TNKS: variants seen among roughly 807,000 people sequenced by gnomAD.
TNKS encodes poly [ADP-ribose] polymerase tankyrase-1.
Under a neutral mutation model 135.8 loss-of-function variants are expected in TNKS, and 72 were observed. The observed-to-expected ratio is 0.53, with a 90% CI of 0.44 to 0.64. TNKS has a LOEUF of 0.64. Ranked by LOEUF, TNKS falls within the 30% of genes least tolerant of loss-of-function variation. The probability of loss-of-function intolerance (pLI) is 0.00; values close to 1 mark genes in which losing one functional copy is unlikely to be tolerated. For missense variants in TNKS, 1,769 were observed against 1,674.0 expected (o/e 1.06, Z -0.99); for synonymous variants, 849 against 649.3 (o/e 1.31, Z -4.68).
At chr8:9,658,518 A>T in intron 3 of TNKS, 1 of 465,756 alleles carries the variant, frequency 2.1e-6, no homozygotes, top group South Asian at 3.0e-5. Flanking sequence ...AAAATCCTTT[A>T]CAGACAAGCA....
intron 2 of TNKS, among the ~76,000 whole-genome samples, chr8:9,587,500 C>T (rs1291063039): frequency 2.0e-5 from 3 of 151,640 alleles, no homozygotes; most frequent in East Asian, 1.9e-4. Flanking sequence ...CCTGGGTTCA[C>T]GCCATTCTCC....
chr8:9,648,187 G>A lies in TNKS; in HGVS notation c.995-31764G>A, dbSNP rs565215997. Among the ~76,000 whole-genome samples the A allele has an allele frequency of 6.6e-5, 10 of 152,164 alleles. No homozygotes were observed. In the South Asian group the frequency reaches 1.9e-3, roughly 28 times the overall value. On this transcript the variant is annotated intron_variant, in intron 3 of 26. Coordinates refer to ENST00000310430, the MANE Select transcript of TNKS (RefSeq NM_003747.3). ...CACTACTATAGACTTCATAAACACT[G>A]TATGCTTAGGCTACATTAGATTTAT...
intron 3 of TNKS, among the ~76,000 whole-genome samples, chr8:9,678,459 A>G (rs1214816045): frequency 6.6e-6 from 1 of 152,288 alleles, no homozygotes; most frequent in Non-Finnish European, 1.5e-5. Context: ...AGAAAGACCA[A>G]CTCTATGACC....
In TNKS at chr8:9,556,054, C is replaced by G; in HGVS notation, c.115C>G (p.Leu39Val). The part of the protein sequence containing the change: ...PPPPPPLSPG[L>V]APGTTPASPT... ...ACCTCCTCCCCCACTCAGCCCTGGC[C>G]TGGCCCCGGGGACCACCCCAGCCTC... The change falls in exon 1 of 27, where the codon CTG becomes GTG. Residue 39 changes from leucine to valine, a missense_variant. Leu to Val is a conservative substitution (Grantham distance 32). This residue lies in a region of TNKS where 450 missense variants were observed against 304.9 expected (regional missense o/e 1.48). Transcript: ENST00000310430. 6.2e-7 allele frequency: 1 copy of G among 1,609,904 alleles called. No individual in the cohort carries two copies. Among genetic ancestry groups the G allele is most frequent in the Non-Finnish European group, 8.5e-7 (1 of 1,178,826 alleles).
chr8:9,725,688 A>G (rs772616416), intron 12 of TNKS, among the ~76,000 whole-genome samples: 71 of 152,226 alleles, frequency 4.7e-4, no homozygotes, highest in Non-Finnish European at 1.6e-4. Flanking sequence ...CCCAGTCTAA[A>G]ATGTAGGCCT....
intron 3 of TNKS, among the ~76,000 whole-genome samples, chr8:9,654,943 T>C (rs1328852207): frequency 6.7e-6 from 1 of 149,872 alleles, no homozygotes; most frequent in Non-Finnish European, 1.5e-5. Context: ...CGAAGCAGGG[T>C]GAGGCATCGC....
Position 9,600,124 on chromosome 8 carries a change from C to G in TNKS, c.899-15458C>G, listed in dbSNP as rs112854378. Among the ~76,000 whole-genome samples, 320 of 152,150 alleles carry G rather than the reference C, an allele frequency of 2.1e-3. 1 individual carries two copies. Among genetic ancestry groups the G allele is most frequent in the African/African-American group, 7.1e-3 (294 of 41,506 alleles). The stretch of plus-strand genomic sequence containing the variant: ...TGATTTACAGGCAAGGAAATGGAAG[C>G]TGAGAGAGGTAAAGGAATTGCTAGG... On this transcript the variant is annotated intron_variant, in intron 2 of 26. Coordinates refer to ENST00000310430, the MANE Select transcript of TNKS (RefSeq NM_003747.3).
intron 13 of TNKS, among the ~76,000 whole-genome samples, chr8:9,730,250 A>T (rs546721706): frequency 7.4e-4 from 112 of 152,272 alleles, no homozygotes; most frequent in Non-Finnish European, 1.5e-3. Flanking sequence ...GGAGACATAG[A>T]AGAGATTTGG....
At chr8:9,687,930 G>A (rs751939128) in intron 5 of TNKS, among the ~76,000 whole-genome samples, 24 of 152,092 alleles carry the variant, frequency 1.6e-4, no homozygotes, top group Non-Finnish European at 2.9e-4. Flanking sequence ...CAAGTAAACC[G>A]AACTTTACAT....
chr8:9,676,556 C>CT, intron 3 of TNKS, among the ~76,000 whole-genome samples: 1 of 151,982 alleles, frequency 6.6e-6, no homozygotes, highest in East Asian at 1.9e-4. Context: ...GTAATTTTGC[C>CT]TTTACACTAA....
intron 3 of TNKS, among the ~76,000 whole-genome samples, chr8:9,632,549 CT>C (rs752841782): frequency 3.9e-5 from 6 of 152,150 alleles, no homozygotes; most frequent in African/African-American, 7.2e-5. Context: ...CTAGGTAACT[CT>C]TTCTTTCAGC....
chr8:9,627,214 C>G (rs765363671), intron 3 of TNKS, among the ~76,000 whole-genome samples: 1 of 152,212 alleles, frequency 6.6e-6, no homozygotes, highest in Non-Finnish European at 1.5e-5. Flanking sequence ...GCCTCTCCCC[C>G]TTCCCATCCC....
chr8:9,578,512 A>G (rs1401273859), intron 1 of TNKS, among the ~76,000 whole-genome samples: 1 of 152,218 alleles, frequency 6.6e-6, no homozygotes, highest in East Asian at 1.9e-4. Flanking sequence ...CGGAAACCTC[A>G]TTCTGACTTT....
At chr8:9,598,711 G>T (rs28649174) in intron 2 of TNKS, among the ~76,000 whole-genome samples, 3 of 125,600 alleles carry the variant, frequency 2.4e-5, no homozygotes, top group African/African-American at 9.8e-5. Flanking sequence ...AAATATGTGT[G>T]TGTGTGTGTG....
chr8:9,703,155 A>G (rs998782521), intron 5 of TNKS, among the ~76,000 whole-genome samples: 1 of 152,250 alleles, frequency 6.6e-6, no homozygotes, highest in South Asian at 2.1e-4. Flanking sequence ...CAAACCCTAT[A>G]TATGGTTTTT....
At position 9,556,698 on chromosome 8, in the gene TNKS, G is replaced by A. The variant is rs754870660; in HGVS notation, c.673+86G>A. On this transcript the variant is annotated intron_variant, in intron 1 of 26. Coordinates refer to ENST00000310430, the MANE Select transcript of TNKS (RefSeq NM_003747.3). Reference sequence around the variant, plus strand: ...ACAAGAAAACAGGTTATTGTGATGGGACAAAGTGGGGGCGTGGTTATGGTT... The same window carrying A: ...ACAAGAAAACAGGTTATTGTGATGGAACAAAGTGGGGGCGTGGTTATGGTT... The A allele has an allele frequency of 5.4e-6, 8 of 1,486,384 alleles. No homozygotes were observed. In the South Asian group the frequency reaches 9.1e-5, roughly 17 times the overall value. 92.1% of individuals were successfully genotyped at this position (1,486,384 alleles called of 1,614,324 possible).
At position 9,710,059 on chromosome 8, in the gene TNKS, G is replaced by T; in HGVS notation, c.1670+13G>T. 1.9e-6 allele frequency: 3 copies of T among 1,611,784 alleles called. No individual in the cohort carries two copies. Among genetic ancestry groups the T allele is most frequent in the Non-Finnish European group, 2.5e-6 (3 of 1,177,940 alleles). ...AAAAAAATAAAGAGTAAGTATAATT[G>T]CAGAAGGAGTTGTTCAGTTCCTAAA... is the stretch of plus-strand genomic sequence containing the variant. On this transcript the variant is annotated intron_variant, in intron 10 of 26. Coordinates refer to ENST00000310430, the MANE Select transcript of TNKS (RefSeq NM_003747.3).
At chr8:9,556,635 A>G in intron 1 of TNKS, 23 bp downstream of exon 1, 1 of 1,612,088 alleles carries the variant, frequency 6.2e-7, no homozygotes, top group Non-Finnish European at 8.5e-7. Flanking sequence ...TGAATTGTTT[A>G]TTAAGGGTTA....
intron 2 of TNKS, among the ~76,000 whole-genome samples, chr8:9,608,122 G>C (rs775625962): frequency 2.0e-5 from 3 of 151,918 alleles, no homozygotes; most frequent in Non-Finnish European, 4.4e-5. Context: ...TTTACTTTTT[G>C]AAAAGTCCAG....
Sources: gnomAD v4.1 joint callset for allele counts (sites outside exome capture counted in the v4.1 genomes callset) on GRCh38, gnomAD v4.1.1 for gene constraint, gnomAD v4.1.1 regional missense constraint, MANE v1.5 for transcripts, NCBI Gene and HGNC (gene_info 2026-07-23, HGNC 2026-07-21) for gene names.